The following CSPP1 variants were observed in gnomAD, a reference collection of about 807,000 sequenced individuals.
CSPP1 encodes the protein centrosome and spindle pole associated protein 1.
In CSPP1, 126 loss-of-function variants were observed where a neutral mutation model predicts 164.4. The ratio of observed to expected loss-of-function variants is 0.77; its 90% CI spans 0.66 to 0.89. CSPP1 has a LOEUF of 0.89. Among genes scored for constraint, CSPP1 ranks in the 40% least tolerant of loss-of-function variants. The pLI, the probability that CSPP1 is intolerant of heterozygous loss-of-function variation, is 0.00. For synonymous variants in CSPP1, 472 were observed against 476.7 expected (o/e 0.99, Z 0.13); for missense variants, 1,395 against 1,449.8 (o/e 0.96, Z 0.61).
intron 28 of CSPP1, among the ~76,000 whole-genome samples, chr8:67,188,469 C>T (rs547184157): frequency 1.5e-3 from 221 of 152,298 alleles, no homozygotes; most frequent in African/African-American, 5.1e-3. Flanking sequence ...AATCATATAT[C>T]GCCTGAGAGC....
chr8:67,170,126 A>T (rs1441292276), intron 24 of CSPP1, among the ~76,000 whole-genome samples: 1 of 152,010 alleles, frequency 6.6e-6, no homozygotes, highest in Non-Finnish European at 1.5e-5. Context: ...CAGGTACTAT[A>T]CTAGGTACTT....
chr8:67,120,675 G>A (rs995305716), intron 15 of CSPP1, among the ~76,000 whole-genome samples: 1 of 151,960 alleles, frequency 6.6e-6, no homozygotes, highest in South Asian at 2.1e-4. Flanking sequence ...CATTGTTAGT[G>A]TATAGAAATG....
At position 67,158,954 on chromosome 8, in the gene CSPP1, A is replaced by G. The variant is rs745460629; in HGVS notation, c.2392-37A>G. ...ACATTTTTGAATGTACTATAGAAGG[A>G]ATATATGGAATGCATATTTCTCTTT... On this transcript the variant is annotated intron_variant, in intron 20 of 30. Transcript: ENST00000678616. The G allele has an allele frequency of 4.0e-5, 60 of 1,501,350 alleles. 1 individual carries two copies. Among genetic ancestry groups the G allele is most frequent in the Non-Finnish European group, 9.1e-6 (10 of 1,099,984 alleles). The allele number at this position is 1,501,350 out of a possible 1,614,324, so 93.0% of individuals were successfully genotyped here.
chr8:67,122,201 T>TTC (rs1819105365), intron 15 of CSPP1, among the ~76,000 whole-genome samples: 1 of 151,888 alleles, frequency 6.6e-6, no homozygotes, highest in Non-Finnish European at 1.5e-5. Flanking sequence ...TTTTTTTTTT[T>TTC]TCTGTCGTTA....
chr8:67,088,876 G>T (rs1211116318), intron 4 of CSPP1, among the ~76,000 whole-genome samples: 1 of 148,360 alleles, frequency 6.7e-6, no homozygotes, highest in Non-Finnish European at 1.5e-5. Context: ...CAGCCTGGGC[G>T]ACAGAGTGAG....
intron 9 of CSPP1, among the ~76,000 whole-genome samples, chr8:67,106,736 T>C (rs987124390): frequency 6.6e-6 from 1 of 152,168 alleles, no homozygotes; most frequent in African/African-American, 2.4e-5. Context: ...TTGTGAAAAC[T>C]GTTAGAAAAA....
At chr8:67,075,358 T>G (rs763069705) in intron 2 of CSPP1, among the ~76,000 whole-genome samples, 1 of 152,232 alleles carries the variant, frequency 6.6e-6, no homozygotes, top group Non-Finnish European at 1.5e-5. Flanking sequence ...GTTTACCTGT[T>G]GTCCAGTGTT....
chr8:67,129,642 A>G (rs1282617737), intron 15 of CSPP1, among the ~76,000 whole-genome samples: 1 of 152,214 alleles, frequency 6.6e-6, no homozygotes, highest in African/African-American at 2.4e-5. Flanking sequence ...GGATAAACAA[A>G]ATGTGTTATA....
At chr8:67,153,737 T>C (rs1023065208) in intron 18 of CSPP1, among the ~76,000 whole-genome samples, 1 of 152,092 alleles carries the variant, frequency 6.6e-6, no homozygotes, top group Admixed American at 6.5e-5. Context: ...AAAGCCTTTG[T>C]TGCAATGAGG....
intron 12 of CSPP1, chr8:67,115,072 G>A (rs1817655806): frequency 6.6e-6 from 1 of 152,192 alleles, no homozygotes; most frequent in Non-Finnish European, 1.5e-5. Context: ...TTGACATACT[G>A]TTTGTGGCTG....
intron 4 of CSPP1, among the ~76,000 whole-genome samples, chr8:67,089,402 T>A (rs774477443): frequency 6.6e-6 from 1 of 152,200 alleles, no homozygotes; most frequent in Non-Finnish European, 1.5e-5. Flanking sequence ...GCTGGCTGCA[T>A]AATTCACATT....
chr8:67,195,527 G>A lies in CSPP1; in HGVS notation c.3615G>A (p.Glu1205=), dbSNP rs750186693. 6.2e-7 allele frequency: 1 copy of A among 1,614,086 alleles called. No individual in the cohort carries two copies. Among genetic ancestry groups the A allele is most frequent in the Non-Finnish European group, 8.5e-7 (1 of 1,180,046 alleles). The change falls in exon 31 of 31, where the codon GAG becomes GAA. Residue 1205 remains glutamate (E), a synonymous_variant. Coordinates refer to ENST00000678616, the MANE Select transcript of CSPP1 (RefSeq NM_001382391.1). ...KRFMAEQLNQ[E]QQQIPGKPGT... ...TCATGGCAGAGCAGCTGAACCAGGA[G>A]CAGCAGCAGATTCCTGGAAAACCAG...
chr8:67,104,895 C>G (rs1471639887), intron 8 of CSPP1, among the ~76,000 whole-genome samples: 1 of 147,818 alleles, frequency 6.8e-6, no homozygotes, highest in Non-Finnish European at 1.5e-5. Flanking sequence ...CCGCCTTGGC[C>G]TCCCAAAATG....
chr8:67,180,437 A>G (rs995873173), intron 28 of CSPP1, among the ~76,000 whole-genome samples: 2 of 152,252 alleles, frequency 1.3e-5, no homozygotes, highest in African/African-American at 4.8e-5. Context: ...GTTGAGGGAT[A>G]GGGAGAGGTG....
At chr8:67,193,418 A>G (rs1010247226) in intron 29 of CSPP1, 46 bp from the exon 30 acceptor site, 21 of 1,569,656 alleles carry the variant, frequency 1.3e-5, no homozygotes, top group South Asian at 7.9e-5. Context: ...ATTTGTGAAC[A>G]TATTTTGTGT....
chr8:67,131,257 T>C (rs1378568829), intron 15 of CSPP1, among the ~76,000 whole-genome samples: 5 of 152,056 alleles, frequency 3.3e-5, no homozygotes, highest in Non-Finnish European at 7.4e-5. Context: ...CATGGTGATG[T>C]GCACCTATAC....
chr8:67,193,091 T>C (rs910099477), intron 29 of CSPP1, among the ~76,000 whole-genome samples: 1 of 152,210 alleles, frequency 6.6e-6, no homozygotes, highest in Non-Finnish European at 1.5e-5. Context: ...CAGTGTACAT[T>C]TGAGGGCAAG....
At position 67,172,457 on chromosome 8, in the gene CSPP1, G is replaced by T. The variant is rs768696425; in HGVS notation, c.2870G>T (p.Arg957Ile). 6.2e-7 allele frequency: 1 copy of T among 1,613,136 alleles called. No homozygotes were observed. Among genetic ancestry groups the T allele is most frequent in the East Asian group, 2.2e-5 (1 of 44,866 alleles). ...RNPMDIFDMA[R>I]HRLQAPVRRQ... Reference sequence around the variant, plus strand: ...CCCATGGATATATTTGATATGGCTAGACATCGGTTGCAAGCTCCTGTCAGA... The same window carrying T: ...CCCATGGATATATTTGATATGGCTATACATCGGTTGCAAGCTCCTGTCAGA... The change falls in exon 25 of 31, where the codon AGA becomes ATA. Residue 957 changes from arginine (R) to isoleucine (I), a missense_variant. Transcript: ENST00000678616.
chr8:67,158,814 G>A (rs1024815540), intron 20 of CSPP1, among the ~76,000 whole-genome samples, 177 bp from the exon 21 acceptor site: 6 of 152,158 alleles, frequency 3.9e-5, no homozygotes, highest in African/African-American at 1.4e-4. Flanking sequence ...TAGGCTGACT[G>A]AAGACTTTAT....
Sources: allele counts gnomAD v4.1 joint callset (sites outside exome capture counted in the v4.1 genomes callset), GRCh38; gene constraint gnomAD v4.1.1; transcripts MANE v1.5; gene names NCBI Gene and HGNC (gene_info 2026-07-23, HGNC 2026-07-21).